LRFN5: variants seen among roughly 807,000 people sequenced by gnomAD.
LRFN5 encodes the protein leucine-rich repeat and fibronectin type-III domain-containing protein 5.
Under a neutral mutation model 45.6 loss-of-function variants are expected in LRFN5, and 24 were observed. The ratio of observed to expected loss-of-function variants is 0.53; its 90% CI spans 0.38 to 0.74. The LOEUF (loss-of-function observed/expected upper bound fraction) is 0.74, where lower values mean the gene tolerates loss of function less well. Among genes scored for constraint, LRFN5 ranks in the 30% least tolerant of loss-of-function variants. The pLI is 0.00. For missense variants in LRFN5, 776 were observed against 861.5 expected (o/e 0.90, Z 1.24); for synonymous variants, 340 against 313.8 (o/e 1.08, Z -0.88).
At chr14:41,780,901 A>G (rs1451351762) in intron 2 of LRFN5, among the ~76,000 whole-genome samples, 2 of 152,114 alleles carry the variant, frequency 1.3e-5, no homozygotes, top group African/African-American at 4.8e-5. Context: ...ATTTACTTTT[A>G]AGTAACACTA....
intron 1 of LRFN5, among the ~76,000 whole-genome samples, chr14:41,708,921 C>G (rs2138741867): frequency 6.6e-6 from 1 of 152,030 alleles, no homozygotes; most frequent in East Asian, 1.9e-4. Context: ...TATTGTGAGC[C>G]TAACACATGT....
chr14:41,677,126 G>C (rs990085322), intron 1 of LRFN5, among the ~76,000 whole-genome samples: 1 of 152,028 alleles, frequency 6.6e-6, no homozygotes, highest in Non-Finnish European at 1.5e-5. Flanking sequence ...CAAGGAGAAA[G>C]GGGGGAAAAA....
intron 2 of LRFN5, among the ~76,000 whole-genome samples, chr14:41,781,568 GAAAGAAA>G (rs1566436889): frequency 0.016 from 836 of 52,908 alleles, 11 homozygotes; most frequent in African/African-American, 0.083. Context: ...GAGAAAGAAA[GAAAGAAA>G]GAAAGAAAGA....
intron 2 of LRFN5, among the ~76,000 whole-genome samples, chr14:41,841,631 G>GT (rs1206964915): frequency 2.6e-5 from 4 of 151,436 alleles, no homozygotes; most frequent in Non-Finnish European, 4.4e-5. Flanking sequence ...GGTCTCACAT[G>GT]TTTTTTTTCC....
chr14:41,891,274 T>A lies in LRFN5; in HGVS notation c.1410T>A (p.Thr470=), dbSNP rs764278645. The part of the protein sequence containing the change: ...VYRMIPPTSK[T]FLVNNLAAGT... ...GAATGATACCTCCTACGAGCAAAAC[T>A]TTTCTGGTCAATAATCTGGCTGCTG... is the stretch of plus-strand genomic sequence containing the variant. Residue 470 remains threonine (T), a synonymous_variant, in exon 4 of 6, where the codon ACT becomes ACA. Coordinates refer to ENST00000298119, the MANE Select transcript of LRFN5 (RefSeq NM_152447.5). 1.8e-5 allele frequency: 29 copies of A among 1,613,778 alleles called. No homozygotes were observed. The highest frequency in any genetic ancestry group is 8.3e-5 in the Admixed American group (5 of 59,992).
intron 1 of LRFN5, among the ~76,000 whole-genome samples, chr14:41,716,589 C>T (rs184405496): frequency 2.9e-3 from 439 of 152,266 alleles, no homozygotes; most frequent in Non-Finnish European, 4.6e-3. Flanking sequence ...CAACAAGATC[C>T]TCATCTCCAT....
intron 1 of LRFN5, among the ~76,000 whole-genome samples, chr14:41,744,965 A>C (rs1361256383): frequency 6.6e-6 from 1 of 152,144 alleles, no homozygotes; most frequent in Non-Finnish European, 1.5e-5. Flanking sequence ...CTTCACTCTC[A>C]ATAGAACAAC....
intron 1 of LRFN5, among the ~76,000 whole-genome samples, chr14:41,658,969 G>T (rs1880503333): frequency 6.6e-6 from 1 of 151,720 alleles, no homozygotes; most frequent in Non-Finnish European, 1.5e-5. Flanking sequence ...CTCTCTGTAT[G>T]CTACCGTGTT....
At chr14:41,857,026 C>G (rs1199954914) in intron 2 of LRFN5, among the ~76,000 whole-genome samples, 1 of 151,918 alleles carries the variant, frequency 6.6e-6, no homozygotes, top group East Asian at 1.9e-4. Context: ...TATCTAAGAA[C>G]CTTTTAAGTG....
chr14:41,803,518 G>T (rs990505495), intron 2 of LRFN5, among the ~76,000 whole-genome samples: 39 of 147,578 alleles, frequency 2.6e-4, no homozygotes, highest in African/African-American at 9.0e-4. Flanking sequence ...TGCCAGGATA[G>T]TTTTTTTTTT....
chr14:41,712,523 A>G (rs562793418), intron 1 of LRFN5, among the ~76,000 whole-genome samples: 6 of 152,338 alleles, frequency 3.9e-5, no homozygotes, highest in African/African-American at 1.4e-4. Context: ...CAAAAGGATA[A>G]TAGGTTTTGT....
intron 1 of LRFN5, among the ~76,000 whole-genome samples, chr14:41,645,380 G>A (rs993165088): frequency 3.9e-5 from 6 of 152,204 alleles, no homozygotes; most frequent in East Asian, 3.9e-4. Context: ...GATTACAAGC[G>A]TGCACCACCA....
intron 1 of LRFN5, among the ~76,000 whole-genome samples, chr14:41,666,921 T>C (rs1267600764): frequency 6.6e-6 from 1 of 152,178 alleles, no homozygotes; most frequent in Non-Finnish European, 1.5e-5. Flanking sequence ...AATTTATTTT[T>C]GATATTTCTT....
chr14:41,892,824 G>C, intron 4 of LRFN5: 1 of 985,196 alleles, frequency 1.0e-6, no homozygotes, highest in Admixed American at 6.1e-5. Context: ...TCAGTCACAG[G>C]CTACAAATTC....
At chr14:41,618,456 A>AT (rs2138552362) in intron 1 of LRFN5, among the ~76,000 whole-genome samples, 1 of 152,322 alleles carries the variant, frequency 6.6e-6, no homozygotes, top group African/African-American at 2.4e-5. Flanking sequence ...AGAAACATGG[A>AT]TTCCTCTGCT....
chr14:41,824,562 T>C (rs1888229812), intron 2 of LRFN5, among the ~76,000 whole-genome samples: 1 of 152,206 alleles, frequency 6.6e-6, no homozygotes, highest in South Asian at 2.1e-4. Flanking sequence ...CCCAGTGCTG[T>C]GCACTTTTGT....
chr14:41,718,247 G>C (rs951597386), intron 1 of LRFN5, among the ~76,000 whole-genome samples: 1 of 152,106 alleles, frequency 6.6e-6, no homozygotes, highest in African/African-American at 2.4e-5. Context: ...TATTTGTAAT[G>C]CCTGACAAAT....
chr14:41,610,807 T>C (rs977921540), intron 1 of LRFN5, among the ~76,000 whole-genome samples: 3 of 151,868 alleles, frequency 2.0e-5, no homozygotes, highest in Non-Finnish European at 4.4e-5. Context: ...AATTTACTTC[T>C]AATCCTCTTA....
chr14:41,772,658 T>G (rs532063193), intron 2 of LRFN5, among the ~76,000 whole-genome samples: 2 of 152,292 alleles, frequency 1.3e-5, no homozygotes, highest in South Asian at 4.1e-4. Flanking sequence ...AATTCCAAAT[T>G]GATATATCTA....
Sources: allele counts gnomAD v4.1 joint callset (sites outside exome capture counted in the v4.1 genomes callset), GRCh38; gene constraint gnomAD v4.1.1; transcripts MANE v1.5; gene names NCBI Gene and HGNC (gene_info 2026-07-23, HGNC 2026-07-21).